The following B3GALT1 variants were observed in gnomAD, a reference collection of about 807,000 sequenced individuals.
The protein encoded by B3GALT1 is UDP-Gal:betaGlcNAc beta 1,3-galactosyltransferase, polypeptide 1.
A neutral mutation model predicts 23.2 loss-of-function variants in B3GALT1; 10 were observed. The observed-to-expected ratio is 0.43, with a 90% CI of 0.27 to 0.73. The LOEUF (loss-of-function observed/expected upper bound fraction) is 0.73, where lower values mean the gene tolerates loss of function less well. Among genes scored for constraint, B3GALT1 ranks in the 30% least tolerant of loss-of-function variants. B3GALT1 has a pLI of 0.21. For missense variants in B3GALT1, 299 were observed against 405.4 expected (o/e 0.74, Z 2.25); for synonymous variants, 156 against 141.5 (o/e 1.10, Z -0.73).
At chr2:167,636,258 C>T (rs1052975891) in intron 2 of B3GALT1, among the ~76,000 whole-genome samples, 3 of 151,792 alleles carry the variant, frequency 2.0e-5, no homozygotes, top group Non-Finnish European at 4.4e-5. Flanking sequence ...GAGCAGAGCA[C>T]CTCTGATAAT....
intron 4 of B3GALT1, among the ~76,000 whole-genome samples, chr2:167,844,814 G>A (rs113424961): frequency 1.9e-4 from 29 of 152,272 alleles, no homozygotes; most frequent in Admixed American, 1.8e-3. Context: ...ACCAAGCCTT[G>A]TTCTTTCCCA....
At chr2:167,604,401 T>A (rs1216356201) in intron 2 of B3GALT1, among the ~76,000 whole-genome samples, 1 of 152,240 alleles carries the variant, frequency 6.6e-6, no homozygotes, top group Non-Finnish European at 1.5e-5. Flanking sequence ...TTACTGAGTA[T>A]GCAGTTGTGT....
At chr2:167,715,193 A>G in intron 3 of B3GALT1, 1 of 1,613,960 alleles carries the variant, frequency 6.2e-7, no homozygotes, top group Non-Finnish European at 8.5e-7. Flanking sequence ...TTCTAATTCC[A>G]AGTTATCATC....
chr2:167,676,382 A>C (rs911750720), intron 3 of B3GALT1, among the ~76,000 whole-genome samples: 1 of 152,094 alleles, frequency 6.6e-6, no homozygotes, highest in Non-Finnish European at 1.5e-5. Context: ...TTTTAAGTGA[A>C]TACGTAAAGG....
chr2:167,294,787 T>C (rs555727547), intron 1 of B3GALT1, among the ~76,000 whole-genome samples: 2 of 152,304 alleles, frequency 1.3e-5, no homozygotes, highest in African/African-American at 4.8e-5. Context: ...GATCTTGAAC[T>C]GGGGACAGCA....
intron 1 of B3GALT1, among the ~76,000 whole-genome samples, chr2:167,293,896 T>C (rs551940925): frequency 7.7e-6 from 1 of 130,650 alleles, no homozygotes; most frequent in African/African-American, 2.9e-5. Context: ...AAGTAACTGT[T>C]GGTCCACATT....
chr2:167,435,973 A>G (rs1559095759), intron 1 of B3GALT1, among the ~76,000 whole-genome samples: 2 of 116,212 alleles, frequency 1.7e-5, no homozygotes, highest in African/African-American at 4.2e-5. Context: ...ACACACACAC[A>G]CACACACACG....
At chr2:167,648,031 C>CT (rs1685779097) in intron 3 of B3GALT1, among the ~76,000 whole-genome samples, 1 of 152,100 alleles carries the variant, frequency 6.6e-6, no homozygotes, top group Non-Finnish European at 1.5e-5. Flanking sequence ...TTTTTCAACT[C>CT]TAACTCATCC....
At chr2:167,731,253 C>T (rs1436211700) in intron 3 of B3GALT1, among the ~76,000 whole-genome samples, 1 of 152,180 alleles carries the variant, frequency 6.6e-6, no homozygotes, top group Non-Finnish European at 1.5e-5. Context: ...AAATTGGCAC[C>T]TAGCTAGTCA....
chr2:167,424,593 G>A (rs984709349), intron 1 of B3GALT1, among the ~76,000 whole-genome samples: 1 of 151,738 alleles, frequency 6.6e-6, no homozygotes, highest in Non-Finnish European at 1.5e-5. Flanking sequence ...TTGTGTGTAT[G>A]TGTGTGTGTG....
At chr2:167,706,229 G>C (rs1195279604) in intron 3 of B3GALT1, among the ~76,000 whole-genome samples, 1 of 152,138 alleles carries the variant, frequency 6.6e-6, no homozygotes, top group Non-Finnish European at 1.5e-5. Context: ...CAGATATAAA[G>C]AAACTGTGGC....
At chr2:167,493,504 G>A (rs1699738403) in intron 2 of B3GALT1, among the ~76,000 whole-genome samples, 2 of 152,180 alleles carry the variant, frequency 1.3e-5, no homozygotes, top group Non-Finnish European at 2.9e-5. Context: ...GTAATTTTGT[G>A]TGATGATCAA....
chr2:167,690,993 TAAC>T (rs1436554586), intron 3 of B3GALT1, among the ~76,000 whole-genome samples: 2 of 152,050 alleles, frequency 1.3e-5, no homozygotes, highest in Non-Finnish European at 1.5e-5. Flanking sequence ...AAACGGGAAA[TAAC>T]AATAAGAATG....
intron 3 of B3GALT1, among the ~76,000 whole-genome samples, chr2:167,663,318 C>T (rs1279590322): frequency 1.3e-5 from 2 of 151,936 alleles, no homozygotes; most frequent in Non-Finnish European, 2.9e-5. Flanking sequence ...GCATAGTATT[C>T]CATGGTGTAT....
At chr2:167,562,244 C>G (rs1684015331) in intron 2 of B3GALT1, among the ~76,000 whole-genome samples, 1 of 152,244 alleles carries the variant, frequency 6.6e-6, no homozygotes. Flanking sequence ...AGGCCTTTGA[C>G]AAAATTCAAC....
intron 1 of B3GALT1, among the ~76,000 whole-genome samples, chr2:167,395,606 T>G (rs1698081027): frequency 6.6e-6 from 1 of 152,130 alleles, no homozygotes; most frequent in African/African-American, 2.4e-5. Context: ...GATAATAAAT[T>G]TGTGTTGTTT....
intron 2 of B3GALT1, among the ~76,000 whole-genome samples, chr2:167,512,591 T>TGTATATATATAC (rs1553463272): frequency 7.2e-5 from 3 of 41,860 alleles, no homozygotes; most frequent in African/African-American, 5.5e-4. Flanking sequence ...TATATATATA[T>TGTATATATATAC]GTGTATATAT....
At chr2:167,717,904 G>A (rs1574228916) in intron 3 of B3GALT1, among the ~76,000 whole-genome samples, 2 of 152,162 alleles carry the variant, frequency 1.3e-5, no homozygotes, top group East Asian at 3.9e-4. Context: ...GTTAAAAAAT[G>A]CAATTTTCTT....
chr2:167,826,544 A>C (rs1689233589), intron 4 of B3GALT1, among the ~76,000 whole-genome samples: 1 of 152,032 alleles, frequency 6.6e-6, no homozygotes, highest in African/African-American at 2.4e-5. Context: ...TGATTAGAAG[A>C]CACCCTGTCA....
Sources: gnomAD v4.1 joint callset for allele counts (sites outside exome capture counted in the v4.1 genomes callset) on GRCh38, gnomAD v4.1.1 for gene constraint, MANE v1.5 for transcripts, NCBI Gene and HGNC (gene_info 2026-07-23, HGNC 2026-07-21) for gene names.